SCAPER: variants seen among roughly 807,000 people sequenced by gnomAD.
The protein encoded by SCAPER is S phase cyclin A-associated protein in the endoplasmic reticulum.
A neutral mutation model predicts 182.2 loss-of-function variants in SCAPER; 98 were observed. That is an observed-to-expected ratio of 0.54 (90% CI 0.46 to 0.64). The LOEUF is 0.64. Among genes scored for constraint, SCAPER ranks in the 30% least tolerant of loss-of-function variants. SCAPER has a pLI of 0.00. For synonymous variants in SCAPER, 605 were observed against 564.6 expected (o/e 1.07, Z -1.01); for missense variants, 1,432 against 1,690.0 (o/e 0.85, Z 2.68).
Position 76,862,508 on chromosome 15 carries a change from T to C in SCAPER, c.32A>G (p.His11Arg), listed in dbSNP as rs753758294. 3.1e-6 allele frequency: 5 copies of C among 1,612,894 alleles called. No homozygotes were observed. The highest frequency in any genetic ancestry group is 1.1e-5 in the South Asian group (1 of 90,980). MMASFQRSNS[H>R]DKVRRIVAEE... is the part of the protein sequence containing the mutation. ...TGCAACTATTCTCCTTACTTTGTCATGACTATTGGAGCGCTGGAATGAAGC... is the reference window on the plus strand; with the variant it reads ...TGCAACTATTCTCCTTACTTTGTCACGACTATTGGAGCGCTGGAATGAAGC... Residue 11 changes from histidine to arginine, a missense_variant, in exon 3 of 32, where the codon CAT (histidine) becomes CGT (arginine). Physicochemically the swap from His to Arg is conservative, Grantham distance 29. Transcript: ENST00000563290.
chr15:76,665,740 G>A lies in SCAPER; in HGVS notation c.2558C>T (p.Thr853Ile). 1 of 1,553,482 alleles carries A rather than the reference G, an allele frequency of 6.4e-7. No individual in the cohort carries two copies. Among genetic ancestry groups the A allele is most frequent in the South Asian group, 1.2e-5 (1 of 83,180 alleles). The change falls in exon 21 of 32, where the codon ACA becomes ATA. Residue 853 changes from threonine to isoleucine, a missense_variant. Physicochemically the swap from Thr to Ile is moderately conservative, Grantham distance 89. Transcript: ENST00000563290. ...KYIIDIVVESTAPAEALKDGE... is the reference protein window; with the variant it reads ...KYIIDIVVESIAPAEALKDGE... Reference sequence around the variant, plus strand: ...ATCTTTCAAAGCTTCTGCTGGAGCTGTACTTTCAACCACAATGTCAATAAT... The same window carrying A: ...ATCTTTCAAAGCTTCTGCTGGAGCTATACTTTCAACCACAATGTCAATAAT...
At chr15:76,643,240 T>C (rs1351600647) in intron 21 of SCAPER, among the ~76,000 whole-genome samples, 1 of 152,216 alleles carries the variant, frequency 6.6e-6, no homozygotes, top group East Asian at 1.9e-4. Context: ...TCCTTCCACA[T>C]GCCTGTGCCA....
At chr15:76,576,163 A>T (rs1428927310) in intron 22 of SCAPER, among the ~76,000 whole-genome samples, 4 of 152,178 alleles carry the variant, frequency 2.6e-5, no homozygotes, top group African/African-American at 9.7e-5. Flanking sequence ...GGAATCTGAG[A>T]TCAGCCTGGG....
intron 23 of SCAPER, among the ~76,000 whole-genome samples, chr15:76,533,768 T>G (rs2043886159): frequency 6.6e-6 from 1 of 152,062 alleles, no homozygotes; most frequent in Admixed American, 6.5e-5. Context: ...ATGACCACTG[T>G]GCAAGTAAAG....
intron 25 of SCAPER, among the ~76,000 whole-genome samples, chr15:76,453,724 C>G (rs2048530549): frequency 6.6e-6 from 1 of 152,146 alleles, no homozygotes; most frequent in African/African-American, 2.4e-5. Context: ...TAGGAATATA[C>G]TATACTTTGA....
chr15:76,381,481 G>A lies in SCAPER; in HGVS notation c.3602C>T (p.Thr1201Ile). 1 of 1,613,824 alleles carries A rather than the reference G, an allele frequency of 6.2e-7. No homozygotes were observed. Among genetic ancestry groups the A allele is most frequent in the Non-Finnish European group, 8.5e-7 (1 of 1,179,852 alleles). ...AGTGTAATTCTCCTTGGGACTGGCA[G>A]TGCTGGGGTCCAAGATGGTGCCATG... ...LFHGTILDPS[T>I]ASPKENYTQN... The change falls in exon 28 of 32, where the codon ACT becomes ATT. Residue 1201 changes from threonine (T) to isoleucine (I), a missense_variant. Physicochemically the swap from Thr to Ile is moderately conservative, Grantham distance 89. Coordinates refer to ENST00000563290, the MANE Select transcript of SCAPER (RefSeq NM_020843.4).
intron 20 of SCAPER, among the ~76,000 whole-genome samples, chr15:76,692,712 A>AG (rs2058434014): frequency 1.5e-5 from 2 of 131,804 alleles, no homozygotes; most frequent in East Asian, 5.1e-4. Flanking sequence ...AAAAAAAAAA[A>AG]GGAAAAGGAA....
chr15:76,840,348 AG>A (rs1448126177), intron 5 of SCAPER, among the ~76,000 whole-genome samples: 2 of 151,680 alleles, frequency 1.3e-5, no homozygotes, highest in African/African-American at 4.8e-5. Context: ...TGAGCCCAGA[AG>A]GTCAAGGCTT....
At chr15:76,731,733 A>C (rs2060932959) in intron 16 of SCAPER, among the ~76,000 whole-genome samples, 1 of 152,242 alleles carries the variant, frequency 6.6e-6, no homozygotes, top group Non-Finnish European at 1.5e-5. Context: ...TCTTTCACTG[A>C]AATTAAATCC....
At chr15:76,406,411 G>A (rs1343501530) in intron 26 of SCAPER, among the ~76,000 whole-genome samples, 2 of 152,040 alleles carry the variant, frequency 1.3e-5, no homozygotes, top group African/African-American at 4.8e-5. Context: ...CCGGGAAGTC[G>A]AAGTTGCAGT....
intron 2 of SCAPER, among the ~76,000 whole-genome samples, chr15:76,864,169 T>A (rs2072092337): frequency 1.3e-5 from 2 of 152,194 alleles, no homozygotes; most frequent in Non-Finnish European, 2.9e-5. Flanking sequence ...TCTATACAGA[T>A]ATTAAAAACC....
chr15:76,794,201 T>TG (rs1325384181), intron 8 of SCAPER, among the ~76,000 whole-genome samples: 75 of 152,334 alleles, frequency 4.9e-4, no homozygotes, highest in African/African-American at 1.6e-3. Context: ...TAAGTATAGA[T>TG]ATAATCAAGA....
chr15:76,476,595 A>ATTTTTTTTTTTTT (rs5813839), intron 24 of SCAPER, among the ~76,000 whole-genome samples: 4 of 73,498 alleles, frequency 5.4e-5, no homozygotes, highest in African/African-American at 1.1e-4. Context: ...CACCCAGCTA[A>ATTTTTTTTTTTTT]TTTTTTTTTT....
At position 76,592,541 on chromosome 15, in the gene SCAPER, A is replaced by G. The variant is rs1426979465; in HGVS notation, c.2712-18257T>C. Reference sequence around the variant, plus strand: ...TGTTTGGTGGCTGGCAAGATGGCCAAAAGGAACAGCTCCATTCTGCAGCTC... The same window carrying G: ...TGTTTGGTGGCTGGCAAGATGGCCAGAAGGAACAGCTCCATTCTGCAGCTC... On this transcript the variant is annotated intron_variant, in intron 22 of 31. Transcript: ENST00000563290. Among the ~76,000 whole-genome samples the G allele has an allele frequency of 3.3e-5, 4 of 123,036 alleles. 2 individuals are homozygous for G. The allele number at this position is 123,036 out of a possible 152,430, so 80.7% of individuals were successfully genotyped here. A position where few individuals can be genotyped will look rare whatever the true frequency, so the allele number is the denominator to read the frequency against.
At position 76,679,740 on chromosome 15, in the gene SCAPER, A is replaced by G. The variant is rs575021809; in HGVS notation, c.2509-13951T>C. On this transcript the variant is annotated intron_variant, in intron 20 of 31. Coordinates refer to ENST00000563290, the MANE Select transcript of SCAPER (RefSeq NM_020843.4). ...CCCCTCACCACTCAGTGACAATTAC[A>G]AATACTCCATCAGTTTTCTGGTAGG... is the stretch of plus-strand genomic sequence containing the variant. Among the ~76,000 whole-genome samples the G allele has an allele frequency of 5.4e-5, 8 of 147,344 alleles. No homozygotes were observed. In the East Asian group the frequency reaches 1.4e-3, roughly 25 times the overall value.
chr15:76,860,639 T>C (rs2071794126), intron 3 of SCAPER, among the ~76,000 whole-genome samples: 1 of 152,210 alleles, frequency 6.6e-6, no homozygotes, highest in South Asian at 2.1e-4. Flanking sequence ...TAACAAGTTA[T>C]GCTGAGGCAA....
At chr15:76,425,281 A>T (rs990321714) in intron 26 of SCAPER, among the ~76,000 whole-genome samples, 4 of 152,302 alleles carry the variant, frequency 2.6e-5, no homozygotes, top group African/African-American at 9.6e-5. Flanking sequence ...GTCTTTTCAC[A>T]TAGTCCCATA....
chr15:76,374,518 C>T (rs796778538), intron 29 of SCAPER, among the ~76,000 whole-genome samples: 3 of 140,364 alleles, frequency 2.1e-5, no homozygotes, highest in African/African-American at 8.0e-5. Flanking sequence ...GAGTTTTGCT[C>T]GTTTCCCAGG....
At position 76,595,361 on chromosome 15, in the gene SCAPER, A is replaced by G. The variant is rs1323262320; in HGVS notation, c.2712-21077T>C. Among the ~76,000 whole-genome samples, 2 of 121,458 alleles carry G rather than the reference A, an allele frequency of 1.6e-5. 1 individual carries two copies. The highest frequency in any genetic ancestry group is 4.0e-5 in the Non-Finnish European group (2 of 50,056). 79.7% of individuals were successfully genotyped at this position (121,458 alleles called of 152,430 possible). A position where few individuals can be genotyped will look rare whatever the true frequency, so the allele number is the denominator to read the frequency against. On this transcript the variant is annotated intron_variant, in intron 22 of 31. Coordinates refer to ENST00000563290, the MANE Select transcript of SCAPER (RefSeq NM_020843.4). ...GAGACTTAGACCCCCATACAATAAT[A>G]GTGGGAGACTTTAACACCCCACTGT...
Sources: allele counts gnomAD v4.1 joint callset (sites outside exome capture counted in the v4.1 genomes callset), GRCh38; gene constraint gnomAD v4.1.1; transcripts MANE v1.5; gene names NCBI Gene and HGNC (gene_info 2026-07-23, HGNC 2026-07-21).